Variants in SLCO5A1 observed in about 807,000 individuals in gnomAD.
SLCO5A1 encodes the protein solute carrier organic anion transporter family member 5A1.
SLCO5A1 carries 39 observed loss-of-function variants against 65.1 expected under a neutral mutation model. The observed-to-expected ratio is 0.60, with a 90% CI of 0.46 to 0.78. The LOEUF (loss-of-function observed/expected upper bound fraction) is 0.78. Among genes scored for constraint, SLCO5A1 ranks in the 30% least tolerant of loss-of-function variants. The pLI, the probability that SLCO5A1 is intolerant of heterozygous loss-of-function variation, is 0.00. For synonymous variants in SLCO5A1, 438 were observed against 415.7 expected, an observed-to-expected ratio of 1.05 and a Z score of -0.65; for missense variants, 1,029 against 1,069.4, an observed-to-expected ratio of 0.96 and a Z score of 0.53.
chr8:69,690,317 T>G (rs1205951381), intron 6 of SLCO5A1, among the ~76,000 whole-genome samples: 1 of 152,222 alleles, frequency 6.6e-6, no homozygotes, highest in Admixed American at 6.5e-5. Context: ...TCATTGAATT[T>G]CTTCAATTTG....
chr8:69,775,895 G>T (rs564496923), intron 2 of SLCO5A1, among the ~76,000 whole-genome samples: 1 of 152,206 alleles, frequency 6.6e-6, no homozygotes, highest in Admixed American at 6.5e-5. Context: ...GATGCCTGTA[G>T]TCCCAGCTAC....
chr8:69,777,978 T>TGA (rs917056470), intron 2 of SLCO5A1, among the ~76,000 whole-genome samples: 2 of 152,218 alleles, frequency 1.3e-5, no homozygotes, highest in Non-Finnish European at 2.9e-5. Context: ...TAAGATATTT[T>TGA]GAGAGAGAGA....
intron 3 of SLCO5A1, among the ~76,000 whole-genome samples, chr8:69,759,790 C>T (rs1396294450): frequency 1.3e-5 from 2 of 152,168 alleles, no homozygotes; most frequent in African/African-American, 2.4e-5. Flanking sequence ...GGACTACAGG[C>T]ATGCGCCACC....
intron 9 of SLCO5A1, 79 bp from the exon 10 acceptor site, chr8:69,673,405 A>G: frequency 7.9e-7 from 1 of 1,273,672 alleles, no homozygotes; most frequent in Admixed American, 2.0e-5. Flanking sequence ...TTAGCAAGGT[A>G]CTTGTGTGCT....
chr8:69,778,077 A>G (rs376012735), intron 2 of SLCO5A1, among the ~76,000 whole-genome samples: 25 of 152,218 alleles, frequency 1.6e-4, no homozygotes, highest in African/African-American at 5.8e-4. Context: ...TGACTAATTT[A>G]TAAATTAAAC....
At chr8:69,808,505 T>C (rs529052297) in intron 2 of SLCO5A1, among the ~76,000 whole-genome samples, 33 of 152,332 alleles carry the variant, frequency 2.2e-4, no homozygotes, top group South Asian at 4.1e-4. Context: ...ATTTTGTTCT[T>C]TTTTATGGCT....
rs1813262868 is a variant in SLCO5A1 at position 69,669,169 on chromosome 8, A to T, written c.*3700T>A. The stretch of plus-strand genomic sequence containing the variant: ...ATATTTGAGGTATGTTATGACAAAT[A>T]ACTTTAATATAACACTTAGCTAAAT... On this transcript the variant is annotated 3_prime_UTR_variant, in exon 10 of 10. Coordinates refer to ENST00000260126, the MANE Select transcript of SLCO5A1 (RefSeq NM_030958.3). 6.6e-6 allele frequency: 1 copy of T among 152,234 alleles called. No individual in the cohort carries two copies. Among genetic ancestry groups the T allele is most frequent in the African/African-American group, 2.4e-5 (1 of 41,458 alleles). The allele number at this position is 152,234 out of a possible 1,614,324, so 9.4% of individuals were successfully genotyped here.
At chr8:69,719,134 A>T (rs1257811412) in intron 5 of SLCO5A1, among the ~76,000 whole-genome samples, 1 of 152,232 alleles carries the variant, frequency 6.6e-6, no homozygotes, top group African/African-American at 2.4e-5. Flanking sequence ...TCAAAAATTA[A>T]TCAGTTCACC....
At chr8:69,676,527 A>G (rs916776079) in intron 9 of SLCO5A1, 82 bp downstream of exon 9, 162 of 1,159,354 alleles carry the variant, frequency 1.4e-4, no homozygotes, top group Non-Finnish European at 1.9e-4. Flanking sequence ...AAATGACATG[A>G]CTTGCCATTT....
chr8:69,708,982 G>A (rs1586709082), intron 5 of SLCO5A1, among the ~76,000 whole-genome samples: 1 of 152,174 alleles, frequency 6.6e-6, no homozygotes, highest in East Asian at 1.9e-4. Flanking sequence ...AAGTGCCTTA[G>A]AGAAGTCCAG....
chr8:69,798,611 A>G (rs969199658), intron 2 of SLCO5A1, among the ~76,000 whole-genome samples: 5 of 152,146 alleles, frequency 3.3e-5, no homozygotes, highest in Non-Finnish European at 7.3e-5. Flanking sequence ...TTCATGAGTG[A>G]CCACCCCCAT....
Position 69,738,111 on chromosome 8 carries a change from A to G in SLCO5A1, c.1352T>C (p.Phe451Ser), listed in dbSNP as rs768680308. The G allele has an allele frequency of 1.9e-6, 3 of 1,613,910 alleles. No homozygotes were observed. The highest frequency in any genetic ancestry group is 2.7e-5 in the African/African-American group (2 of 74,928). ...YTAESAIVTA[F>S]ITFIPKFIES... ...GATGAACTTGGGAATGAAGGTAATGAAAGCAGTTACAATGGCACTCTCAGC... is the reference window on the plus strand; with the variant it reads ...GATGAACTTGGGAATGAAGGTAATGGAAGCAGTTACAATGGCACTCTCAGC... Residue 451 changes from phenylalanine to serine, a missense_variant, in exon 5 of 10, where the codon TTC becomes TCC. Physicochemically the swap from Phe to Ser is radical, Grantham distance 155. Transcript: ENST00000260126.
At chr8:69,688,806 A>G in intron 6 of SLCO5A1, among the ~76,000 whole-genome samples, 1 of 152,186 alleles carries the variant, frequency 6.6e-6, no homozygotes. Flanking sequence ...ATACGTGTGC[A>G]TGTGTCTTTA....
At position 69,679,472 on chromosome 8, in the gene SLCO5A1, T is replaced by C. The variant is rs541539586; in HGVS notation, c.1930A>G (p.Thr644Ala). The change falls in exon 8 of 10, where the codon ACC becomes GCC. Residue 644 changes from threonine to alanine, a missense_variant. Physicochemically the swap from Thr to Ala is moderately conservative, Grantham distance 58. This residue lies in a region of SLCO5A1 where 124 missense variants were observed against 184.5 expected (regional missense o/e 0.67). Coordinates refer to ENST00000260126, the MANE Select transcript of SLCO5A1 (RefSeq NM_030958.3). The part of the protein sequence containing the change: ...GYAVSGKCKR[T>A]CNTLIPFLVF... ...AAGAATGGGATAAGAGTATTGCAGG[T>C]CCGTTTACATTTCCCAGACACAGCA... The C allele has an allele frequency of 6.2e-7, 1 of 1,614,178 alleles. No homozygotes were observed. Among genetic ancestry groups the C allele is most frequent in the Non-Finnish European group, 8.5e-7 (1 of 1,180,038 alleles).
At chr8:69,754,004 C>CAAA (rs71556780) in intron 4 of SLCO5A1, among the ~76,000 whole-genome samples, 26 of 73,346 alleles carry the variant, frequency 3.5e-4, no homozygotes, top group Admixed American at 6.7e-4. Flanking sequence ...TGACCTATCT[C>CAAA]AAAAAAAAAA....
chr8:69,706,544 T>G (rs1284099426), intron 5 of SLCO5A1, among the ~76,000 whole-genome samples: 1 of 152,158 alleles, frequency 6.6e-6, no homozygotes, highest in Non-Finnish European at 1.5e-5. Flanking sequence ...CATGCCCTTA[T>G]AAAAGAGGCC....
At position 69,832,449 on chromosome 8, in the gene SLCO5A1, G is replaced by T. The variant is rs1488934042; in HGVS notation, c.225C>A (p.Gly75=). ...AGGGACTGGGGGCCAACGGGTTCGGGCCTTGCTTCAACTCCTGGTGGCCCG... is the reference window on the plus strand; with the variant it reads ...AGGGACTGGGGGCCAACGGGTTCGGTCCTTGCTTCAACTCCTGGTGGCCCG... ...DSSGHQELKQ[G]PNPLAPSPSA... The change falls in exon 2 of 10, where the codon GGC becomes GGA. Residue 75 remains glycine (G), a synonymous_variant. Coordinates refer to ENST00000260126, the MANE Select transcript of SLCO5A1 (RefSeq NM_030958.3). This position sits in a 1 kb window ranked among gnomAD's most constrained non-coding sequence, Gnocchi z 4.5. The T allele has an allele frequency of 6.2e-7, 1 of 1,613,082 alleles. No homozygotes were observed. Among genetic ancestry groups the T allele is most frequent in the South Asian group, 1.1e-5 (1 of 90,896 alleles).
intron 2 of SLCO5A1, among the ~76,000 whole-genome samples, chr8:69,777,472 A>G (rs1174685124): frequency 1.6e-5 from 2 of 125,070 alleles, no homozygotes; most frequent in Non-Finnish European, 3.2e-5. Context: ...TCTGTTTGCC[A>G]TCTTGACTGT....
At chr8:69,746,428 C>A (rs1379807689) in intron 4 of SLCO5A1, among the ~76,000 whole-genome samples, 2 of 152,006 alleles carry the variant, frequency 1.3e-5, no homozygotes, top group African/African-American at 4.8e-5. Context: ...GGACTAAAGT[C>A]AAACAAGGCA....
Sources: gnomAD v4.1 joint callset for allele counts (sites outside exome capture counted in the v4.1 genomes callset) on GRCh38, gnomAD v4.1.1 for gene constraint, gnomAD v4.1.1 regional missense constraint, Gnocchi (gnomAD v3.1) non-coding constraint, MANE v1.5 for transcripts, NCBI Gene and HGNC (gene_info 2026-07-23, HGNC 2026-07-21) for gene names.